Variants in ZNF469 observed in about 807,000 individuals in gnomAD.
The protein encoded by ZNF469 is zinc finger protein 469.
A neutral mutation model predicts 1.0 loss-of-function variants in ZNF469; 1 was observed. The observed-to-expected ratio is 1.00, with a 90% CI of 0.35 to 4.73. The LOEUF is 4.73. Among genes scored for constraint, ZNF469 ranks in the 30% most tolerant of loss-of-function variants. The probability of loss-of-function intolerance (pLI) is 0.16; values close to 1 mark genes in which losing one functional copy is unlikely to be tolerated. For synonymous variants in ZNF469, 2,703 were observed against 2,363.4 expected, an observed-to-expected ratio of 1.14 and a Z score of -4.17; for missense variants, 6,100 against 5,356.3, an observed-to-expected ratio of 1.14 and a Z score of -4.33.
chr16:88,132,445 T>C, the ZNF469 span, among the ~76,000 whole-genome samples: 4 of 152,236 alleles, frequency 2.6e-5, no homozygotes, highest in African/African-American at 9.6e-5. Flanking sequence ...GATCTGTGAC[T>C]GGCCCCATCT....
At chr16:88,116,546 A>G in the ZNF469 span, among the ~76,000 whole-genome samples, 1 of 152,206 alleles carries the variant, frequency 6.6e-6, no homozygotes, top group Admixed American at 6.5e-5. Flanking sequence ...TCATGCCAAA[A>G]ACCGTGCAGC....
chr16:88,413,446 T>C (rs1905228624), intron 1 of ZNF469, among the ~76,000 whole-genome samples: 1 of 152,196 alleles, frequency 6.6e-6, no homozygotes, highest in African/African-American at 2.4e-5. Flanking sequence ...CACCGTGGCT[T>C]TCCCAGCACA....
the ZNF469 span, among the ~76,000 whole-genome samples, chr16:88,285,746 G>T: frequency 6.6e-6 from 1 of 152,252 alleles, no homozygotes; most frequent in East Asian, 1.9e-4. Flanking sequence ...TGAGTGGTGG[G>T]CAGTGAGGGG....
In ZNF469 at chr16:88,432,854, C is replaced by T. The variant is rs1013562167; in HGVS notation, c.5384C>T (p.Ala1795Val). Residue 1795 changes from alanine to valine, a missense_variant, in exon 3 of 3, where the codon GCT becomes GTT. Ala to Val is a moderately conservative substitution (Grantham distance 64). Transcript: ENST00000565624. ...QPHRGAPAPE[A>V]FGSPAVHLAP... is the part of the protein sequence containing the mutation. ...CACCGAGGGGCCCCTGCTCCAGAAGCTTTTGGCAGCCCTGCTGTCCATCTG... is the reference window on the plus strand; with the variant it reads ...CACCGAGGGGCCCCTGCTCCAGAAGTTTTTGGCAGCCCTGCTGTCCATCTG... 2 of 1,550,242 alleles carry T rather than the reference C, an allele frequency of 1.3e-6. No individual in the cohort carries two copies. The highest frequency in any genetic ancestry group is 2.4e-5 in the East Asian group (1 of 40,906).
At chr16:88,296,297 C>T in the ZNF469 span, among the ~76,000 whole-genome samples, 6 of 152,274 alleles carry the variant, frequency 3.9e-5, no homozygotes, top group East Asian at 1.9e-4. Context: ...GCAAGGTGGG[C>T]GGAACATGAG....
At chr16:88,208,778 C>T in the ZNF469 span, among the ~76,000 whole-genome samples, 11 of 67,328 alleles carry the variant, frequency 1.6e-4, no homozygotes, top group African/African-American at 2.6e-4. Context: ...CGCGTGCGCG[C>T]GCACACACAC....
chr16:88,427,724 G>A lies in ZNF469; in HGVS notation c.254G>A (p.Ser85Asn). 4.6e-6 allele frequency: 7 copies of A among 1,536,272 alleles called. No individual in the cohort carries two copies. The highest frequency in any genetic ancestry group is 6.1e-6 in the Non-Finnish European group (7 of 1,142,868). The change falls in exon 3 of 3, where the codon AGC (serine) becomes AAC (asparagine). Residue 85 changes from serine (S) to asparagine (N), a missense_variant. Coordinates refer to ENST00000565624, the MANE Select transcript of ZNF469 (RefSeq NM_001367624.2). ...PPSLRGQAPS[S>N]TPGKRGSPQT... ...TCCCTGAGAGGCCAGGCCCCGAGCA[G>A]CACCCCTGGGAAGAGGGGCAGCCCC...
chr16:88,153,494 G>A, the ZNF469 span, among the ~76,000 whole-genome samples: 4 of 152,216 alleles, frequency 2.6e-5, no homozygotes, highest in Non-Finnish European at 5.9e-5. Flanking sequence ...GATTTTTCCC[G>A]AGTGGGTAGA....
At chr16:88,298,476 C>G in the ZNF469 span, among the ~76,000 whole-genome samples, 5,499 of 152,324 alleles carry the variant, frequency 0.036, 236 homozygotes, top group East Asian at 0.16. Context: ...CCAGTCCAGA[C>G]AGCCCAGGCT....
the ZNF469 span, among the ~76,000 whole-genome samples, chr16:88,162,848 A>G: frequency 1.3e-5 from 2 of 152,248 alleles, no homozygotes; most frequent in Admixed American, 6.5e-5. Context: ...CAATTCAGCT[A>G]TCCAAAAAAT....
chr16:88,439,070 A>T lies in ZNF469; in HGVS notation c.11600A>T (p.Gln3867Leu), dbSNP rs1424079462. ...CCGACCAAGCCCAAGCCCAACAGCC[A>T]GAACAAACCCAGGCCGCCACCATCA... ...VLPTKPKPNS[Q>L]NKPRPPPSEQ... Residue 3867 changes from glutamine to leucine, a missense_variant, in exon 3 of 3, where the codon CAG (glutamine) becomes CTG (leucine). Transcript: ENST00000565624. The T allele has an allele frequency of 6.4e-7, 1 of 1,550,534 alleles. No homozygotes were observed.
chr16:88,401,616 T>G, intron 1 of ZNF469, among the ~76,000 whole-genome samples: 1 of 81,740 alleles, frequency 1.2e-5, no homozygotes, highest in Non-Finnish European at 2.4e-5. Context: ...GTTGGGTGAG[T>G]GGATGGATGG....
At chr16:88,324,326 C>T in the ZNF469 span, among the ~76,000 whole-genome samples, 1 of 151,304 alleles carries the variant, frequency 6.6e-6, no homozygotes, top group Admixed American at 6.6e-5. Context: ...CAGACCCCCA[C>T]ACACACCCCT....
At chr16:88,382,621 G>A (rs934797126), upstream of ZNF469, among the ~76,000 whole-genome samples, 1 of 152,246 alleles carries the variant, frequency 6.6e-6, no homozygotes, top group African/African-American at 2.4e-5. Flanking sequence ...AGAAGCACAG[G>A]GACAAGCGTG....
Position 88,432,359 on chromosome 16 carries a change from T to C in ZNF469, c.4889T>C (p.Val1630Ala), listed in dbSNP as rs1448181771. The change falls in exon 3 of 3, where the codon GTT (valine) becomes GCT (alanine). Residue 1630 changes from valine to alanine, a missense_variant. Coordinates refer to ENST00000565624, the MANE Select transcript of ZNF469 (RefSeq NM_001367624.2). ...DTFSAADLTR[V>A]GESTAHREGA... ...TTCTCGGCAGCTGACCTCACGCGCG[T>C]TGGAGAATCCACTGCACATCGGGAG... is the stretch of plus-strand genomic sequence containing the variant. 2 of 1,548,538 alleles carry C rather than the reference T, an allele frequency of 1.3e-6. No individual in the cohort carries two copies. Among genetic ancestry groups the C allele is most frequent in the Admixed American group, 2.0e-5 (1 of 50,978 alleles).
chr16:88,269,721 C>G, the ZNF469 span, among the ~76,000 whole-genome samples: 1 of 152,128 alleles, frequency 6.6e-6, no homozygotes, highest in South Asian at 2.1e-4. Context: ...ACCAATCCCC[C>G]CAGCACACAT....
At chr16:88,227,743 A>G in the ZNF469 span, among the ~76,000 whole-genome samples, 1 of 152,122 alleles carries the variant, frequency 6.6e-6, no homozygotes, top group Non-Finnish European at 1.5e-5. Context: ...CACCGCTGTA[A>G]CAAATGCCAC....
rs1906427684 is a variant in ZNF469, at chr16:88,434,490, G to A, written c.7020G>A (p.Arg2340=). 1.3e-6 allele frequency: 2 copies of A among 1,550,002 alleles called. No individual in the cohort carries two copies. The highest frequency in any genetic ancestry group is 2.0e-5 in the Admixed American group (1 of 50,990). Residue 2340 remains arginine (R), a synonymous_variant, in exon 3 of 3, where the codon AGG becomes AGA. Coordinates refer to ENST00000565624, the MANE Select transcript of ZNF469 (RefSeq NM_001367624.2). ...GCAATACTGCCCGCCTCGGCCACAG[G>A]GAGGGCCAGGCTGTCACAGCTGTGC... is the stretch of plus-strand genomic sequence containing the variant. ...SPSNTARLGH[R]EGQAVTAVPT...
At chr16:88,243,910 G>GCA in the ZNF469 span, among the ~76,000 whole-genome samples, 2 of 18,218 alleles carry the variant, frequency 1.1e-4, no homozygotes, top group South Asian at 5.7e-3. Flanking sequence ...CTGGCTGGAT[G>GCA]CATATATATA....
Sources: gnomAD v4.1 joint callset for allele counts (sites outside exome capture counted in the v4.1 genomes callset) on GRCh38, gnomAD v4.1.1 for gene constraint, MANE v1.5 for transcripts, NCBI Gene and HGNC (gene_info 2026-07-23, HGNC 2026-07-21) for gene names.